Variants in TAF2 observed in about 807,000 individuals in gnomAD.
TAF2 encodes transcription initiation factor TFIID subunit 2.
In TAF2, 61 loss-of-function variants were observed where a neutral mutation model predicts 138.5. The observed-to-expected ratio is 0.44, with a 90% CI of 0.36 to 0.54. The LOEUF (loss-of-function observed/expected upper bound fraction) is 0.54. TAF2 is among the 20% of genes least tolerant of loss of function. The pLI is 0.00. For missense variants in TAF2, 1,090 were observed against 1,427.9 expected (o/e 0.76, Z 3.81); for synonymous variants, 475 against 469.9 (o/e 1.01, Z -0.14).
intron 22 of TAF2, among the ~76,000 whole-genome samples, chr8:119,754,283 AT>A (rs1318161488): frequency 3.3e-5 from 5 of 152,232 alleles, no homozygotes; most frequent in Non-Finnish European, 1.5e-5. Flanking sequence ...AAGAATTAAA[AT>A]TTGGTATTTA....
At chr8:119,779,359 A>G (rs1822484082) in intron 17 of TAF2, among the ~76,000 whole-genome samples, 1 of 150,748 alleles carries the variant, frequency 6.6e-6, no homozygotes, top group Non-Finnish European at 1.5e-5. Context: ...GTTTTATTTA[A>G]AAAAAAAATA....
Position 119,832,712 on chromosome 8 carries a change from C to A in TAF2, c.-148G>T. The stretch of plus-strand genomic sequence containing the variant: ...TGCCCAGGTGAGCGACCTGACGGGT[C>A]GCTGCCCGCCTCAACCTCGCTCCTT... On this transcript the variant is annotated 5_prime_UTR_variant, in exon 1 of 26. Transcript: ENST00000378164. The A allele has an allele frequency of 4.7e-6, 3 of 635,896 alleles. No homozygotes were observed. In the South Asian group the frequency reaches 6.9e-5, roughly 15 times the overall value. The allele number at this position is 635,896 out of a possible 1,614,324, so 39.4% of individuals were successfully genotyped here. A position where few individuals can be genotyped will look rare whatever the true frequency, so the allele number is the denominator to read the frequency against.
intron 6 of TAF2, among the ~76,000 whole-genome samples, chr8:119,799,392 T>C (rs922494960): frequency 1.1e-4 from 17 of 151,194 alleles, no homozygotes; most frequent in Non-Finnish European, 2.1e-4. Flanking sequence ...CACCTATGAG[T>C]GAGAACATGT....
chr8:119,832,543 G>A lies in TAF2; in HGVS notation c.22C>T (p.Pro8Ser), dbSNP rs749383076. The change falls in exon 1 of 26, where the codon CCC becomes TCC. Residue 8 changes from proline to serine, a missense_variant. Physicochemically the swap from Pro to Ser is moderately conservative, Grantham distance 74. Around this residue, in one of 3 missense-constraint regions of TAF2, gnomAD observed 504 missense variants for 680.9 expected, o/e 0.74. Transcript: ENST00000378164. ...CCTTTCTTCCTGTTCATTCTGGCGGGCTCTACACCAGTCAGCGGCATGAAG... is the reference window on the plus strand; with the variant it reads ...CCTTTCTTCCTGTTCATTCTGGCGGACTCTACACCAGTCAGCGGCATGAAG... Reference protein sequence around the residue: MPLTGVEPARMNRKKGDK... With the variant: MPLTGVESARMNRKKGDK... 6.2e-7 allele frequency: 1 copy of A among 1,613,378 alleles called. No individual in the cohort carries two copies. Among genetic ancestry groups the A allele is most frequent in the South Asian group, 1.1e-5 (1 of 91,064 alleles).
chr8:119,801,601 TGTATTTTTA>T (rs1824267645), intron 6 of TAF2, among the ~76,000 whole-genome samples, 184 bp downstream of exon 6: 3 of 152,204 alleles, frequency 2.0e-5, no homozygotes, highest in Admixed American at 2.0e-4. Context: ...GCTAATTTTT[TGTATTTTTA>T]GTAATGACAG....
rs184637399 is a variant in TAF2, at chr8:119,770,124, T to A, written c.2365-7516A>T. On this transcript the variant is annotated intron_variant, in intron 18 of 25. Transcript: ENST00000378164. Reference sequence around the variant, plus strand: ...ATGGAATACATAAAGTGACCAAACCTGTAACTTATAGGCATTCCTGGGGCA... The same window carrying A: ...ATGGAATACATAAAGTGACCAAACCAGTAACTTATAGGCATTCCTGGGGCA... Among the ~76,000 whole-genome samples, 301 of 151,160 alleles carry A rather than the reference T, an allele frequency of 2.0e-3. 2 individuals are homozygous for A. The highest frequency in any genetic ancestry group is 6.0e-3 in the African/African-American group (247 of 41,148).
intron 25 of TAF2, among the ~76,000 whole-genome samples, chr8:119,741,948 G>C (rs2130992343): frequency 6.6e-6 from 1 of 152,228 alleles, no homozygotes; most frequent in African/African-American, 2.4e-5. Flanking sequence ...AACAGAATAA[G>C]CAGAAAACAA....
chr8:119,762,393 A>C (rs1368351085), intron 19 of TAF2, 22 bp downstream of exon 19: 1 of 1,607,706 alleles, frequency 6.2e-7, no homozygotes, highest in Non-Finnish European at 8.5e-7. Flanking sequence ...ATATAACTTT[A>C]AAGTAAGGAA....
chr8:119,831,590 T>C, intron 2 of TAF2, 87 bp downstream of exon 2: 1 of 1,004,042 alleles, frequency 1.0e-6, no homozygotes, highest in Non-Finnish European at 1.5e-6. Flanking sequence ...TCTGGAAGAC[T>C]ACAAACTTTC....
intron 25 of TAF2, among the ~76,000 whole-genome samples, chr8:119,733,777 T>C (rs906177727): frequency 1.4e-5 from 2 of 143,366 alleles, no homozygotes; most frequent in East Asian, 1.9e-4. Context: ...ATCTCTTAAA[T>C]CCGCCCCCCC....
chr8:119,828,511 T>C (rs1826238282), intron 2 of TAF2, among the ~76,000 whole-genome samples: 1 of 152,028 alleles, frequency 6.6e-6, no homozygotes, highest in African/African-American at 2.4e-5. Flanking sequence ...CAACAGAAAC[T>C]GCAACAACCC....
At position 119,793,433 on chromosome 8, in the gene TAF2, C is replaced by T. The variant is rs773568004; in HGVS notation, c.1210G>A (p.Ala404Thr). 6.2e-7 allele frequency: 1 copy of T among 1,612,650 alleles called. No homozygotes were observed. The highest frequency in any genetic ancestry group is 1.1e-5 in the South Asian group (1 of 91,010). ...ACCCCACCAGTTTTTAGTTCATATGCCACTATTTTGTCTAGCTCCTAAAAA... is the reference window on the plus strand; with the variant it reads ...ACCCCACCAGTTTTTAGTTCATATGTCACTATTTTGTCTAGCTCCTAAAAA... The part of the protein sequence containing the change: ...WIKEELDKIV[A>T]YELKTGGVLL... Residue 404 changes from alanine (A) to threonine (T), a missense_variant, in exon 10 of 26, where the codon GCA (alanine) becomes ACA (threonine). Coordinates refer to ENST00000378164, the MANE Select transcript of TAF2 (RefSeq NM_003184.4).
chr8:119,792,080 T>C (rs1472064360), intron 10 of TAF2, among the ~76,000 whole-genome samples: 3 of 152,028 alleles, frequency 2.0e-5, no homozygotes, highest in Non-Finnish European at 4.4e-5. Context: ...AATAATGCTA[T>C]GGTGAGTATC....
intron 22 of TAF2, among the ~76,000 whole-genome samples, chr8:119,747,408 A>C: frequency 6.6e-6 from 1 of 152,330 alleles, no homozygotes; most frequent in African/African-American, 2.4e-5. Flanking sequence ...CTTATTTATG[A>C]TTTTTAAATA....
rs1247377581 is a variant in TAF2, at chr8:119,742,670, CAA to C, written c.3215-16_3215-15del. ...ATTTCGAGAGCCCTAAAATGCCAAA[CAA>C]GAGAAAAAAGAGGGATTTATTTCTT... On this transcript the variant is annotated splice_polypyrimidine_tract_variant and intron_variant, in intron 24 of 25. Coordinates refer to ENST00000378164, the MANE Select transcript of TAF2 (RefSeq NM_003184.4). 2 of 1,611,308 alleles carry C rather than the reference CAA, an allele frequency of 1.2e-6. No homozygotes were observed. The highest frequency in any genetic ancestry group is 1.3e-5 in the African/African-American group (1 of 74,346).
chr8:119,805,809 C>G (rs887900874), intron 4 of TAF2, among the ~76,000 whole-genome samples: 2 of 151,966 alleles, frequency 1.3e-5, no homozygotes, highest in African/African-American at 4.8e-5. Context: ...AGCCAGTGAT[C>G]CTTAATAAGA....
rs1017028795 is a variant in TAF2, at chr8:119,744,285, T to C, written c.3214+3A>G. 3 of 1,612,914 alleles carry C rather than the reference T, an allele frequency of 1.9e-6. No homozygotes were observed. The highest frequency in any genetic ancestry group is 1.3e-5 in the African/African-American group (1 of 74,882). On this transcript the variant is annotated splice_donor_region_variant and intron_variant, in intron 24 of 25. Transcript: ENST00000378164. ...CTCAATGATTGCAGAATACTAATCT[T>C]ACCTGGAGTTGACGGCCTTTCAAGC... is the stretch of plus-strand genomic sequence containing the variant.
At chr8:119,814,921 G>C (rs1825349238) in intron 3 of TAF2, among the ~76,000 whole-genome samples, 1 of 147,746 alleles carries the variant, frequency 6.8e-6, no homozygotes, top group Non-Finnish European at 1.5e-5. Flanking sequence ...AAAAAAAAAA[G>C]TGGGGCGGGG....
intron 24 of TAF2, 121 bp downstream of exon 24, chr8:119,744,143 GTTATAATCTGCTACAATTTAATAT>G: frequency 2.4e-6 from 2 of 825,948 alleles, no homozygotes; most frequent in Non-Finnish European, 2.0e-6. Context: ...GCCAATTTAT[GTTATAATCTGCTACAATTTAATAT>G]TTTAAGCTGG....
Sources: allele counts gnomAD v4.1 joint callset (sites outside exome capture counted in the v4.1 genomes callset), GRCh38; gene constraint gnomAD v4.1.1; regional missense constraint gnomAD v4.1.1; transcripts MANE v1.5; gene names NCBI Gene and HGNC (gene_info 2026-07-23, HGNC 2026-07-21).